The following CA5A variants were observed in gnomAD, a reference collection of about 807,000 sequenced individuals.
The protein encoded by CA5A is carbonic anhydrase 5A, mitochondrial.
Under a neutral mutation model 37.1 loss-of-function variants are expected in CA5A, and 28 were observed. The ratio of observed to expected loss-of-function variants is 0.75; its 90% CI spans 0.56 to 1.03. The LOEUF (loss-of-function observed/expected upper bound fraction) is 1.03, where lower values mean the gene tolerates loss of function less well. Ranked by LOEUF, CA5A falls within the 50% of genes least tolerant of loss-of-function variation. CA5A has a pLI of 0.00. For synonymous variants in CA5A, 171 were observed against 158.4 expected (o/e 1.08, Z -0.60); for missense variants, 444 against 399.9 (o/e 1.11, Z -0.94).
chr16:87,884,958 G>C (rs2143878944), downstream of CA5A: 1 of 152,492 alleles, frequency 6.6e-6, no homozygotes, highest in South Asian at 2.1e-4. Flanking sequence ...GAGGTCGGGA[G>C]ATCGAGACCA....
chr16:87,921,502 A>T (rs931488083), intron 2 of CA5A, among the ~76,000 whole-genome samples: 1 of 151,872 alleles, frequency 6.6e-6, no homozygotes, highest in African/African-American at 2.4e-5. Context: ...CTAGAAAAAA[A>T]CTCCTTGGCT....
intron 1 of CA5A, among the ~76,000 whole-genome samples, chr16:87,929,895 AAT>A (rs2056378520): frequency 3.3e-5 from 5 of 151,242 alleles, no homozygotes; most frequent in African/African-American, 1.2e-4. Flanking sequence ...AAAAAAAAAA[AAT>A]AAGTAAACCA....
At position 87,891,918 on chromosome 16, in the gene CA5A, T is replaced by A. The variant is rs148496007; in HGVS notation, c.655A>T (p.Thr219Ser). 2.6e-6 allele frequency: 4 copies of A among 1,560,948 alleles called. No individual in the cohort carries two copies. Among genetic ancestry groups the A allele is most frequent in the Non-Finnish European group, 1.7e-6 (2 of 1,155,100 alleles). ...RAAMRPFDPS[T>S]LLPTCWDYWT... ...TAATCCCAGCAGGTGGGCAGCAGAG[T>A]GGAGGGGTCGAAGGGGCGCATGGCC... is the stretch of plus-strand genomic sequence containing the variant. The change falls in exon 6 of 7, where the codon ACT (threonine) becomes TCT (serine). Residue 219 changes from threonine (T) to serine (S), a missense_variant. Physicochemically the swap from Thr to Ser is moderately conservative, Grantham distance 58 (BLOSUM62 1). Coordinates refer to ENST00000649794, the MANE Select transcript of CA5A (RefSeq NM_001739.2).
At position 87,892,801 on chromosome 16, in the gene CA5A, G is replaced by A. The variant is rs942058665; in HGVS notation, c.619-847C>T. The A allele has an allele frequency of 9.2e-5, 24 of 262,004 alleles. 2 individuals are homozygous for A. The highest frequency in any genetic ancestry group is 4.4e-4 in the Admixed American group (8 of 18,236). 16.2% of individuals were successfully genotyped at this position (262,004 alleles called of 1,614,324 possible). Reference sequence around the variant, plus strand: ...CGATTCTCCTGCCTCAGCCTCCAGCGCCTGCCACCACGCCCAGCTAATTTT... The same window carrying A: ...CGATTCTCCTGCCTCAGCCTCCAGCACCTGCCACCACGCCCAGCTAATTTT... On this transcript the variant is annotated intron_variant, in intron 5 of 6. Coordinates refer to ENST00000649794, the MANE Select transcript of CA5A (RefSeq NM_001739.2).
At chr16:87,917,132 G>GAAAAGAAAAGA (rs35434271) in intron 2 of CA5A, among the ~76,000 whole-genome samples, 37 of 145,648 alleles carry the variant, frequency 2.5e-4, no homozygotes, top group African/African-American at 9.6e-4. Flanking sequence ...GAAAAGAAAA[G>GAAAAGAAAAGA]AAAGAAAAGA....
At chr16:87,923,462 A>G (rs936485239) in intron 2 of CA5A, 55 of 823,164 alleles carry the variant, frequency 6.7e-5, no homozygotes, top group Non-Finnish European at 7.6e-5. Context: ...TGCTGGGATT[A>G]TAAGCATGAG....
At chr16:87,906,105 C>G (rs575198736) in intron 2 of CA5A, among the ~76,000 whole-genome samples, 1 of 152,202 alleles carries the variant, frequency 6.6e-6, no homozygotes, top group East Asian at 1.9e-4. Flanking sequence ...CCGTTCCACA[C>G]GTTTTCACTG....
At chr16:87,905,302 A>G (rs1182998720) in intron 2 of CA5A, among the ~76,000 whole-genome samples, 1 of 152,238 alleles carries the variant, frequency 6.6e-6, no homozygotes, top group East Asian at 1.9e-4. Context: ...AGCAGCTTAA[A>G]TCCTATCACC....
rs2056049059 is a variant in CA5A at position 87,911,313 on chromosome 16, C to T, written c.341-6409G>A. 6.6e-6 allele frequency among the ~76,000 whole-genome samples: 1 copy of T among 152,120 alleles called. No individual in the cohort carries two copies. Among genetic ancestry groups the T allele is most frequent in the Admixed American group, 6.6e-5 (1 of 15,256 alleles). ...CTCAGCGCGTGCCAGACTCTCCAAA[C>T]ATAATAACAGATGACGTTTGGGGCC... On this transcript the variant is annotated intron_variant, in intron 2 of 6. Coordinates refer to ENST00000649794, the MANE Select transcript of CA5A (RefSeq NM_001739.2). This position sits in a 1 kb window ranked among gnomAD's most constrained non-coding sequence, Gnocchi z 4.6.
intron 5 of CA5A, among the ~76,000 whole-genome samples, chr16:87,901,161 C>T (rs1010606392): frequency 2.0e-5 from 3 of 152,224 alleles, no homozygotes; most frequent in African/African-American, 7.2e-5. Flanking sequence ...ACCCGGGAGG[C>T]GGAGGTTGCA....
intron 4 of CA5A, chr16:87,882,547 C>G (rs141752808): frequency 6.6e-6 from 1 of 152,208 alleles, no homozygotes; most frequent in African/African-American, 2.4e-5. Context: ...CCTGTCACTT[C>G]GGGAGTTTTT....
At chr16:87,932,368 C>T (rs113159430) in intron 1 of CA5A, among the ~76,000 whole-genome samples, 39 of 152,210 alleles carry the variant, frequency 2.6e-4, no homozygotes, top group African/African-American at 8.7e-4. Flanking sequence ...GTGGGAAGAG[C>T]GGGTAATTTT....
chr16:87,923,801 T>C (rs1454311140), intron 2 of CA5A: 1 of 985,370 alleles, frequency 1.0e-6, no homozygotes, highest in Non-Finnish European at 1.2e-6. Context: ...CTAAAAATTA[T>C]CCAGGAGGAA....
At chr16:87,916,786 G>A (rs919290136) in intron 2 of CA5A, among the ~76,000 whole-genome samples, 14 of 152,262 alleles carry the variant, frequency 9.2e-5, no homozygotes, top group East Asian at 7.7e-4. Context: ...CCTGGGAAGC[G>A]TCTGGGAAGC....
chr16:87,917,636 C>T (rs146349653), intron 2 of CA5A, among the ~76,000 whole-genome samples: 99 of 151,018 alleles, frequency 6.6e-4, no homozygotes, highest in Non-Finnish European at 1.2e-3. Context: ...CACACATGTG[C>T]GCACACACAT....
At chr16:87,882,908 G>C (rs577027629) in intron 4 of CA5A, 4 of 152,000 alleles carry the variant, frequency 2.6e-5, no homozygotes, top group African/African-American at 7.3e-5. Context: ...CTTTATTTTG[G>C]GGGGGCGTGG....
intron 5 of CA5A, among the ~76,000 whole-genome samples, chr16:87,901,634 G>A (rs1208762280): frequency 1.3e-5 from 2 of 150,796 alleles, no homozygotes; most frequent in African/African-American, 4.9e-5. Flanking sequence ...TGTCACCCAG[G>A]CTGGAGTGCA....
At chr16:87,892,005 G>C (rs1377993168) in intron 5 of CA5A, 51 bp from the exon 6 acceptor site, 1 of 1,464,632 alleles carries the variant, frequency 6.8e-7, no homozygotes, top group Admixed American at 3.0e-5. Context: ...GAGACTAGGA[G>C]CTTCCATCTT....
chr16:87,894,819 C>T (rs1213161413), intron 5 of CA5A, among the ~76,000 whole-genome samples: 1 of 152,004 alleles, frequency 6.6e-6, no homozygotes, highest in Non-Finnish European at 1.5e-5. Flanking sequence ...GCAGAGGTTG[C>T]AGTGAGCCGA....
Sources: allele counts gnomAD v4.1 joint callset (sites outside exome capture counted in the v4.1 genomes callset), GRCh38; gene constraint gnomAD v4.1.1; non-coding constraint Gnocchi (gnomAD v3.1); transcripts MANE v1.5; gene names NCBI Gene and HGNC (gene_info 2026-07-23, HGNC 2026-07-21).